PTPN3: variants seen among roughly 807,000 people sequenced by gnomAD.
The protein encoded by PTPN3 is tyrosine-protein phosphatase non-receptor type 3.
A neutral mutation model predicts 132.7 loss-of-function variants in PTPN3; 96 were observed. The ratio of observed to expected loss-of-function variants is 0.72; its 90% CI spans 0.61 to 0.86. The LOEUF is 0.86. PTPN3 is among the 40% of genes least tolerant of loss of function. The pLI, the probability that PTPN3 is intolerant of heterozygous loss-of-function variation, is 0.00. For synonymous variants in PTPN3, 398 were observed against 429.0 expected (o/e 0.93, Z 0.89); for missense variants, 1,125 against 1,159.6 (o/e 0.97, Z 0.43).
chr9:109,504,656 T>C, the PTPN3 span, among the ~76,000 whole-genome samples: 4 of 152,178 alleles, frequency 2.6e-5, no homozygotes, highest in African/African-American at 9.7e-5. Flanking sequence ...ACTCTTTGGG[T>C]GTCCACACTG....
At chr9:109,461,819 C>CTGG (rs1316306729) in intron 2 of PTPN3, among the ~76,000 whole-genome samples, 4 of 152,002 alleles carry the variant, frequency 2.6e-5, no homozygotes, top group Non-Finnish European at 4.4e-5. Flanking sequence ...CCACATGCGG[C>CTGG]TGGGGGGCTC....
intron 16 of PTPN3, among the ~76,000 whole-genome samples, chr9:109,408,845 A>AAT (rs139812662): frequency 0.27 from 32,315 of 119,518 alleles, 4,351 homozygotes; most frequent in Non-Finnish European, 0.3. Flanking sequence ...TATGGGCTTT[A>AAT]ATATATATAT....
the PTPN3 span, among the ~76,000 whole-genome samples, chr9:109,505,881 C>G: frequency 6.6e-6 from 1 of 152,012 alleles, no homozygotes; most frequent in Admixed American, 6.6e-5. Context: ...TCCCGAGTAG[C>G]TGGGACTACA....
At chr9:109,440,141 C>T (rs1397731610) in intron 7 of PTPN3, among the ~76,000 whole-genome samples, 1 of 152,186 alleles carries the variant, frequency 6.6e-6, no homozygotes, top group Non-Finnish European at 1.5e-5. Context: ...GTGCTCAGAA[C>T]TGATCTGTAC....
the PTPN3 span, among the ~76,000 whole-genome samples, chr9:109,512,302 C>T: frequency 6.6e-6 from 1 of 152,148 alleles, no homozygotes; most frequent in Non-Finnish European, 1.5e-5. Flanking sequence ...TAAGAAGCTC[C>T]TGGGTGCAGC....
intron 1 of PTPN3, among the ~76,000 whole-genome samples, chr9:109,485,915 C>A (rs1440998896): frequency 6.6e-6 from 1 of 152,234 alleles, no homozygotes; most frequent in Non-Finnish European, 1.5e-5. Flanking sequence ...TTTGAAAATT[C>A]TTTCAATAGC....
chr9:109,498,470 C>T (rs1352437861), upstream of PTPN3, among the ~76,000 whole-genome samples: 1 of 151,634 alleles, frequency 6.6e-6, no homozygotes, highest in Non-Finnish European at 1.5e-5. This position sits in a 1 kb window ranked among gnomAD's most constrained non-coding sequence, Gnocchi z 4.2. Flanking sequence ...CACCGGGGCT[C>T]TCCGCCGAGC....
chr9:109,536,838 T>G, the PTPN3 span, among the ~76,000 whole-genome samples: 2 of 152,200 alleles, frequency 1.3e-5, no homozygotes, highest in African/African-American at 4.8e-5. Flanking sequence ...CTCTGGGAAG[T>G]TAAATTCCCC....
At chr9:109,514,940 T>G in the PTPN3 span, among the ~76,000 whole-genome samples, 1 of 152,190 alleles carries the variant, frequency 6.6e-6, no homozygotes, top group Non-Finnish European at 1.5e-5. Flanking sequence ...AGAACCAAAC[T>G]GCAAATAACG....
upstream of PTPN3, among the ~76,000 whole-genome samples, chr9:109,500,020 C>T (rs998891318): frequency 1.8e-4 from 28 of 152,250 alleles, no homozygotes; most frequent in African/African-American, 6.3e-4. Context: ...CCCCGCAGAG[C>T]TCCACCCAGC....
At chr9:109,406,970 C>T (rs542823061) in intron 17 of PTPN3, among the ~76,000 whole-genome samples, 1 of 152,208 alleles carries the variant, frequency 6.6e-6, no homozygotes, top group East Asian at 1.9e-4. Context: ...AATGATTTGC[C>T]AGCTAGAGGT....
At chr9:109,455,299 G>C (rs556225624) in intron 4 of PTPN3, among the ~76,000 whole-genome samples, 1 of 152,094 alleles carries the variant, frequency 6.6e-6, no homozygotes, top group Non-Finnish European at 1.5e-5. Flanking sequence ...TCACAGAGAC[G>C]GCAACAGGAG....
chr9:109,461,240 C>T (rs1381488780), intron 2 of PTPN3, among the ~76,000 whole-genome samples: 2 of 152,172 alleles, frequency 1.3e-5, no homozygotes, highest in Admixed American at 6.5e-5. Flanking sequence ...TCTAACTGCA[C>T]GGCACATTGA....
the PTPN3 span, among the ~76,000 whole-genome samples, chr9:109,517,004 G>A: frequency 5.9e-5 from 9 of 152,200 alleles, no homozygotes; most frequent in Admixed American, 1.3e-4. Flanking sequence ...CATATATTCC[G>A]TAGGCAGCTG....
intron 18 of PTPN3, among the ~76,000 whole-genome samples, chr9:109,405,274 C>T (rs1230759219): frequency 6.6e-6 from 1 of 152,170 alleles, no homozygotes; most frequent in Non-Finnish European, 1.5e-5. Context: ...TCTGGTAAGG[C>T]CTCACGGAGG....
intron 1 of PTPN3, among the ~76,000 whole-genome samples, chr9:109,484,656 T>G (rs1847129006): frequency 6.6e-6 from 1 of 152,122 alleles, no homozygotes; most frequent in South Asian, 2.1e-4. Flanking sequence ...AGGAGGGTAG[T>G]GAGGTTTCTG....
In PTPN3 at chr9:109,404,441, G is replaced by C; in HGVS notation, c.1953+7C>G. The C allele has an allele frequency of 1.4e-6, 2 of 1,426,344 alleles. No homozygotes were observed. Among genetic ancestry groups the C allele is most frequent in the Non-Finnish European group, 1.9e-6 (2 of 1,068,724 alleles). The allele number at this position is 1,426,344 out of a possible 1,614,324, so 88.4% of individuals were successfully genotyped here. A position where few individuals can be genotyped will look rare whatever the true frequency, so the allele number is the denominator to read the frequency against. On this transcript the variant is annotated splice_region_variant and intron_variant, in intron 19 of 25. Transcript: ENST00000374541. ...GGCAGTGGGATTCAGCCTCCAGAGG[G>C]TCTTACCTCAAACTGGATCAGCACC... is the stretch of plus-strand genomic sequence containing the variant.
intron 1 of PTPN3, among the ~76,000 whole-genome samples, chr9:109,479,027 T>G (rs1846831883): frequency 6.6e-6 from 1 of 152,118 alleles, no homozygotes; most frequent in South Asian, 2.1e-4. Flanking sequence ...TTTTTTTAAT[T>G]GTAAAATATA....
chr9:109,409,932 G>A, intron 16 of PTPN3, 67 bp downstream of exon 16: 1 of 1,571,350 alleles, frequency 6.4e-7, no homozygotes, highest in African/African-American at 1.4e-5. Context: ...CATTTGTAAT[G>A]CAAATTAAAA....
Sources: gnomAD v4.1 joint callset for allele counts (sites outside exome capture counted in the v4.1 genomes callset) on GRCh38, gnomAD v4.1.1 for gene constraint, Gnocchi (gnomAD v3.1) non-coding constraint, MANE v1.5 for transcripts, NCBI Gene and HGNC (gene_info 2026-07-23, HGNC 2026-07-21) for gene names.